Variants in FGFRL1 observed in about 807,000 individuals in gnomAD.
FGFRL1 encodes fibroblast growth factor receptor-like 1.
A neutral mutation model predicts 36.8 loss-of-function variants in FGFRL1; 24 were observed. The ratio of observed to expected loss-of-function variants is 0.65; its 90% CI spans 0.47 to 0.92. The LOEUF (loss-of-function observed/expected upper bound fraction) is 0.92, where lower values mean the gene tolerates loss of function less well. Among genes scored for constraint, FGFRL1 ranks in the 40% least tolerant of loss-of-function variants. FGFRL1 has a pLI of 0.00. For synonymous variants in FGFRL1, 422 were observed against 344.1 expected (o/e 1.23, Z -2.50); for missense variants, 785 against 753.4 (o/e 1.04, Z -0.49).
chr4:1,022,611 C>A, intron 3 of FGFRL1, 136 bp downstream of exon 3: 1 of 1,114,396 alleles, frequency 9.0e-7, no homozygotes, highest in Non-Finnish European at 1.2e-6. Flanking sequence ...GGTGCCCTGC[C>A]CCACCTCAGC....
Position 1,026,173 on chromosome 4 carries a change from A to G in FGFRL1, c.*826A>G, listed in dbSNP as rs1021926072. The G allele has an allele frequency of 3.2e-5, 5 of 156,326 alleles. No homozygotes were observed. Among genetic ancestry groups the G allele is most frequent in the African/African-American group, 9.7e-5 (4 of 41,324 alleles). 9.7% of individuals were successfully genotyped at this position (156,326 alleles called of 1,614,324 possible). ...TGCCTGGACACACACATGTGCACAG[A>G]TATGCTGTCTGGACATGCACACACG... On this transcript the variant is annotated 3_prime_UTR_variant, in exon 7 of 7. Coordinates refer to ENST00000510644, the MANE Select transcript of FGFRL1 (RefSeq NM_001004356.3).
At chr4:1,017,257 C>A (rs757217145) in intron 2 of FGFRL1, among the ~76,000 whole-genome samples, 4 of 150,206 alleles carry the variant, frequency 2.7e-5, no homozygotes, top group Non-Finnish European at 6.0e-5. Flanking sequence ...AGTTCGCAGG[C>A]ATCCTCACTC....
At chr4:1,019,097 G>GC (rs1349096024) in intron 2 of FGFRL1, among the ~76,000 whole-genome samples, 1 of 152,212 alleles carries the variant, frequency 6.6e-6, no homozygotes, top group Non-Finnish European at 1.5e-5. Context: ...CCCTGTCTGT[G>GC]CCTGTCATCC....
In FGFRL1 at chr4:1,011,913, C is replaced by G. The variant is rs933776302; in HGVS notation, c.-58C>G. On this transcript the variant is annotated 5_prime_UTR_variant, in exon 1 of 7. Transcript: ENST00000510644. ...GACCGCGGAGCGCACGCCGCGGGCC[C>G]GGCCCTGACCCCGCCGCCCGCCCGC... The G allele has an allele frequency of 6.9e-6, 1 of 145,770 alleles. No individual in the cohort carries two copies. The highest frequency in any genetic ancestry group is 2.0e-4 in the East Asian group (1 of 4,960). 9.0% of individuals were successfully genotyped at this position (145,770 alleles called of 1,614,324 possible). A position where few individuals can be genotyped will look rare whatever the true frequency, so the allele number is the denominator to read the frequency against.
chr4:1,012,032 G>A (rs1715612567), intron 1 of FGFRL1, 78 bp downstream of exon 1: 1 of 147,102 alleles, frequency 6.8e-6, no homozygotes, highest in South Asian at 2.1e-4. Flanking sequence ...GGGGCGGGGA[G>A]GGGCGGGTTC....
chr4:1,017,232 C>T (rs1009328291), intron 2 of FGFRL1, among the ~76,000 whole-genome samples: 1 of 152,132 alleles, frequency 6.6e-6, no homozygotes, highest in Non-Finnish European at 1.5e-5. Context: ...AACTTTGGGC[C>T]ATGCAGGGCC....
Position 1,025,165 on chromosome 4 carries a change from G to T in FGFRL1, c.1333G>T (p.Gly445Trp). Residue 445 changes from glycine (G) to tryptophan (W), a missense_variant, in exon 7 of 7, where the codon GGG becomes TGG. Transcript: ENST00000510644. ...CGCCCTCAGCGCTGGCCCTGGTGTG[G>T]GGCTGTGTGAGGAGCATGGGTCTCC... ...LAALSAGPGV[G>W]LCEEHGSPAA... 1 of 1,610,524 alleles carries T rather than the reference G, an allele frequency of 6.2e-7. No individual in the cohort carries two copies. The highest frequency in any genetic ancestry group is 8.5e-7 in the Non-Finnish European group (1 of 1,179,080).
intron 2 of FGFRL1, among the ~76,000 whole-genome samples, chr4:1,017,010 G>A (rs1030176362): frequency 1.3e-5 from 2 of 152,048 alleles, no homozygotes; most frequent in African/African-American, 4.8e-5. Flanking sequence ...CCGGGTGGGG[G>A]GACCACCGGC....
Position 1,025,709 on chromosome 4 carries a change from T to C in FGFRL1, c.*362T>C. ...GCCTGAACATACACACGCACACCCATGCGCAGATGTGCTGCCTGGACACAC... is the reference window on the plus strand; with the variant it reads ...GCCTGAACATACACACGCACACCCACGCGCAGATGTGCTGCCTGGACACAC... On this transcript the variant is annotated 3_prime_UTR_variant, in exon 7 of 7. Transcript: ENST00000510644. 1 of 320,284 alleles carries C rather than the reference T, an allele frequency of 3.1e-6. No homozygotes were observed. The highest frequency in any genetic ancestry group is 5.9e-6 in the Non-Finnish European group (1 of 170,170). The allele number at this position is 320,284 out of a possible 1,614,324, so 19.8% of individuals were successfully genotyped here.
At position 1,025,377 on chromosome 4, in the gene FGFRL1, G is replaced by T. The variant is rs1447180378; in HGVS notation, c.*30G>T. On this transcript the variant is annotated 3_prime_UTR_variant, in exon 7 of 7. Transcript: ENST00000510644. ...CACCGTATCTGCAGTGGGCACGGGGGGGCCGGCCAGACAGGCAGACTGGGA... is the reference window on the plus strand; with the variant it reads ...CACCGTATCTGCAGTGGGCACGGGGTGGCCGGCCAGACAGGCAGACTGGGA... The T allele has an allele frequency of 6.6e-7, 1 of 1,515,760 alleles. No homozygotes were observed. The highest frequency in any genetic ancestry group is 1.3e-5 in the South Asian group (1 of 79,354). 93.9% of individuals were successfully genotyped at this position (1,515,760 alleles called of 1,614,324 possible). A position where few individuals can be genotyped will look rare whatever the true frequency, so the allele number is the denominator to read the frequency against.
Position 1,024,061 on chromosome 4 carries a change from C to T in FGFRL1, c.678C>T (p.Arg226=), listed in dbSNP as rs1186852563. 1.1e-5 allele frequency: 18 copies of T among 1,603,552 alleles called. No individual in the cohort carries two copies. The highest frequency in any genetic ancestry group is 6.7e-5 in the East Asian group (3 of 44,502). Residue 226 remains arginine (R), a synonymous_variant, in exon 5 of 7, where the codon CGC becomes CGT. Coordinates refer to ENST00000510644, the MANE Select transcript of FGFRL1 (RefSeq NM_001004356.3). ...AATACACCTGCCGCGTGTCGAACCGCGCGGGCGCCATCAACGCCACCTACA... is the reference window on the plus strand; with the variant it reads ...AATACACCTGCCGCGTGTCGAACCGTGCGGGCGCCATCAACGCCACCTACA... ...SGKYTCRVSN[R]AGAINATYKV... is the part of the protein sequence containing the mutation.
At chr4:1,015,650 G>C (rs1285997225) in intron 2 of FGFRL1, among the ~76,000 whole-genome samples, 1 of 152,250 alleles carries the variant, frequency 6.6e-6, no homozygotes, top group Non-Finnish European at 1.5e-5. Context: ...TTCTTGCCTG[G>C]TGCTGTTAAG....
intron 2 of FGFRL1, among the ~76,000 whole-genome samples, chr4:1,017,113 T>C (rs993377964): frequency 6.6e-5 from 10 of 152,044 alleles, no homozygotes; most frequent in African/African-American, 2.2e-4. Context: ...CTGGTCAAGG[T>C]GAGCCCCCTT....
rs1175200259 is a variant in FGFRL1 at position 1,022,489 on chromosome 4, G to A, written c.352+14G>A. On this transcript the variant is annotated intron_variant, in intron 3 of 6. Transcript: ENST00000510644. Reference sequence around the variant, plus strand: ...TCGTCGTGCTGGGTTAGTCGCTGCTGCGGTCAGAGGTCATGGGCTGGGTTG... The same window carrying A: ...TCGTCGTGCTGGGTTAGTCGCTGCTACGGTCAGAGGTCATGGGCTGGGTTG... The A allele has an allele frequency of 1.9e-6, 3 of 1,578,346 alleles. No individual in the cohort carries two copies. In the African/African-American group the frequency reaches 4.0e-5, roughly 21 times the overall value.
chr4:1,016,878 G>T (rs1390138427), intron 2 of FGFRL1, among the ~76,000 whole-genome samples: 3 of 152,152 alleles, frequency 2.0e-5, no homozygotes, highest in Non-Finnish European at 2.9e-5. Context: ...CCTGAGGAGG[G>T]GACTGGGCCC....
rs535135673 is a variant in FGFRL1, at chr4:1,020,703, G to A, written c.80-1500G>A. Among the ~76,000 whole-genome samples the A allele has an allele frequency of 9.3e-3, 87 of 9,374 alleles. 9 individuals carry two copies. The highest frequency in any genetic ancestry group is 0.039 in the African/African-American group (72 of 1,834). The allele number at this position is 9,374 out of a possible 152,430, so 6.1% of individuals were successfully genotyped here. ...CAGGCAGGGAATGGGGCGATGGGGCGGGGTGGGGACCCAGGCAGGGGAAGG... is the reference window on the plus strand; with the variant it reads ...CAGGCAGGGAATGGGGCGATGGGGCAGGGTGGGGACCCAGGCAGGGGAAGG... On this transcript the variant is annotated intron_variant, in intron 2 of 6. Transcript: ENST00000510644.
chr4:1,022,239 AGGTGGCCCGGCTGGGCC>A lies in FGFRL1; in HGVS notation c.118_134del (p.Val40HisfsTer74). On this transcript the variant is annotated frameshift_variant, in exon 3 of 7. Coordinates refer to ENST00000510644, the MANE Select transcript of FGFRL1 (RefSeq NM_001004356.3). LOFTEE classifies it high-confidence loss of function. ...ATGGCGGACAAGGTGGTCCCACGGC[AGGTGGCCCGGCTGGGCC>A]GCACTGTGCGGCTGCAGTGCCCAGT... 6.4e-7 allele frequency: 1 copy of A among 1,556,032 alleles called. No homozygotes were observed. The highest frequency in any genetic ancestry group is 8.7e-7 in the Non-Finnish European group (1 of 1,148,016).
At chr4:1,024,705 G>A (rs965331816) in intron 6 of FGFRL1, 41 bp downstream of exon 6, 7 of 1,544,120 alleles carry the variant, frequency 4.5e-6, no homozygotes, top group African/African-American at 1.4e-5. Context: ...GCTGGTGCCC[G>A]GACCCGCCCC....
chr4:1,025,490 A>T lies in FGFRL1; in HGVS notation c.*143A>T. 5.1e-6 allele frequency: 5 copies of T among 978,154 alleles called. No individual in the cohort carries two copies. The South Asian group carries it at 8.4e-5, about 16-fold the overall frequency. The allele number at this position is 978,154 out of a possible 1,614,324, so 60.6% of individuals were successfully genotyped here. The stretch of plus-strand genomic sequence containing the variant: ...CCCAGGCAGTCTGTGTGTGAGGCAT[A>T]GCCCCTGGACACACACACACAGACA... On this transcript the variant is annotated 3_prime_UTR_variant, in exon 7 of 7. Coordinates refer to ENST00000510644, the MANE Select transcript of FGFRL1 (RefSeq NM_001004356.3).
Sources: allele counts gnomAD v4.1 joint callset (sites outside exome capture counted in the v4.1 genomes callset), GRCh38; gene constraint gnomAD v4.1.1; transcripts MANE v1.5; gene names NCBI Gene and HGNC (gene_info 2026-07-23, HGNC 2026-07-21).